The following VPS41 variants were observed in gnomAD, a reference collection of about 807,000 sequenced individuals.
VPS41 encodes VPS41 subunit of HOPS complex.
Under a neutral mutation model 130.9 loss-of-function variants are expected in VPS41, and 85 were observed. The ratio of observed to expected loss-of-function variants is 0.65; its 90% CI spans 0.55 to 0.78. The LOEUF (loss-of-function observed/expected upper bound fraction) is 0.78. Among genes scored for constraint, VPS41 ranks in the 30% least tolerant of loss-of-function variants. VPS41 has a pLI of 0.00. For synonymous variants in VPS41, 335 were observed against 332.9 expected, an observed-to-expected ratio of 1.01 and a Z score of -0.07; for missense variants, 874 against 1,018.7, an observed-to-expected ratio of 0.86 and a Z score of 1.93.
At chr7:38,852,951 T>G (rs190371583) in intron 4 of VPS41, among the ~76,000 whole-genome samples, 4 of 152,302 alleles carry the variant, frequency 2.6e-5, no homozygotes, top group Admixed American at 6.5e-5. Flanking sequence ...CCATTCTTTT[T>G]CCTTTGGTCC....
intron 2 of VPS41, among the ~76,000 whole-genome samples, chr7:38,874,725 A>G (rs1786450974): frequency 6.6e-6 from 1 of 152,164 alleles, no homozygotes; most frequent in African/African-American, 2.4e-5. Context: ...ACAGTAAAAA[A>G]CCAACTATTA....
chr7:38,807,394 C>A (rs76103266), intron 7 of VPS41, among the ~76,000 whole-genome samples: 1 of 152,072 alleles, frequency 6.6e-6, no homozygotes, highest in Non-Finnish European at 1.5e-5. Flanking sequence ...AAAAGGAAAA[C>A]AAACAAACCA....
chr7:38,849,234 G>A (rs912632513), intron 4 of VPS41, among the ~76,000 whole-genome samples: 1 of 152,142 alleles, frequency 6.6e-6, no homozygotes, highest in Admixed American at 6.5e-5. Flanking sequence ...GCAGATGGGT[G>A]GGCTGTGGTG....
intron 25 of VPS41, among the ~76,000 whole-genome samples, chr7:38,734,250 T>A (rs558898586): frequency 6.6e-6 from 1 of 152,338 alleles, no homozygotes; most frequent in African/African-American, 2.4e-5. Context: ...TTTCCTATAT[T>A]TTTCCAAGAT....
At chr7:38,776,462 CTT>C (rs951726550) in intron 11 of VPS41, among the ~76,000 whole-genome samples, 1 of 152,052 alleles carries the variant, frequency 6.6e-6, no homozygotes, top group African/African-American at 2.4e-5. Context: ...AAAAAAGACT[CTT>C]TTTTGGCTCA....
chr7:38,832,243 A>G (rs150070601), intron 4 of VPS41, among the ~76,000 whole-genome samples: 3 of 146,156 alleles, frequency 2.1e-5, no homozygotes, highest in East Asian at 4.1e-4. Flanking sequence ...ACAGTCTCCT[A>G]TTTTTTTGCA....
chr7:38,901,894 T>A (rs1787153675), intron 1 of VPS41, among the ~76,000 whole-genome samples: 1 of 152,170 alleles, frequency 6.6e-6, no homozygotes, highest in Non-Finnish European at 1.5e-5. Flanking sequence ...TCAACTTTTT[T>A]AATGGTTAAA....
chr7:38,806,683 T>C (rs1001450238), intron 7 of VPS41, among the ~76,000 whole-genome samples: 1 of 152,202 alleles, frequency 6.6e-6, no homozygotes, highest in Admixed American at 6.5e-5. Flanking sequence ...CAGCCTTCCA[T>C]GAATACATCT....
intron 3 of VPS41, among the ~76,000 whole-genome samples, chr7:38,866,495 G>A (rs758562827): frequency 9.2e-5 from 14 of 152,154 alleles, no homozygotes; most frequent in Non-Finnish European, 2.1e-4. Context: ...TGGCTTAGGT[G>A]ACAAAGGAGG....
chr7:38,869,145 C>T lies in VPS41; in HGVS notation c.168+1G>A, dbSNP rs1441864265. The T allele has an allele frequency of 1.3e-6, 2 of 1,559,612 alleles. No individual in the cohort carries two copies. The highest frequency in any genetic ancestry group is 4.6e-5 in the East Asian group (2 of 43,576). On this transcript the variant is annotated splice_donor_variant, in intron 3 of 28. Transcript: ENST00000310301. LOFTEE classifies it high-confidence loss of function. Reference sequence around the variant, plus strand: ...AGAATCCTCTGAAAGTGCTATCTTACCTTGTCATGGACTGTCATGCAGCTA... The same window carrying T: ...AGAATCCTCTGAAAGTGCTATCTTATCTTGTCATGGACTGTCATGCAGCTA...
chr7:38,795,329 A>C (rs1028501200), intron 9 of VPS41, 136 bp downstream of exon 9: 2 of 589,138 alleles, frequency 3.4e-6, no homozygotes, highest in African/African-American at 3.8e-5. Context: ...TTTGAGCATT[A>C]AATGGTAATC....
chr7:38,812,345 A>C (rs1261006738), intron 7 of VPS41, among the ~76,000 whole-genome samples: 2 of 152,172 alleles, frequency 1.3e-5, no homozygotes, highest in Non-Finnish European at 2.9e-5. Context: ...ATTCACATGC[A>C]AAAGAATAAA....
At chr7:38,837,658 G>T (rs551608582) in intron 4 of VPS41, among the ~76,000 whole-genome samples, 1 of 152,250 alleles carries the variant, frequency 6.6e-6, no homozygotes, top group Admixed American at 6.5e-5. Context: ...AGAAGTCTTG[G>T]GTAGATTTGG....
At chr7:38,794,435 T>C (rs1280927186) in intron 9 of VPS41, among the ~76,000 whole-genome samples, 1 of 152,220 alleles carries the variant, frequency 6.6e-6, no homozygotes, top group Non-Finnish European at 1.5e-5. Flanking sequence ...TTTTCCACTT[T>C]CCCTTTCCAG....
chr7:38,798,371 C>A lies in VPS41; in HGVS notation c.451-1507G>T, dbSNP rs1249036973. 3.3e-5 allele frequency among the ~76,000 whole-genome samples: 5 copies of A among 152,196 alleles called. No homozygotes were observed. The East Asian group carries it at 9.6e-4, about 29-fold the overall frequency. ...GCAGTGGCACCATCTCAGCTCACTG[C>A]AACCTCCACCTCCTGGGTTCTAGTG... On this transcript the variant is annotated intron_variant, in intron 7 of 28. Coordinates refer to ENST00000310301, the MANE Select transcript of VPS41 (RefSeq NM_014396.4).
intron 2 of VPS41, among the ~76,000 whole-genome samples, chr7:38,891,551 G>A (rs1413181422): frequency 6.6e-6 from 1 of 151,994 alleles, no homozygotes; most frequent in Non-Finnish European, 1.5e-5. Flanking sequence ...TTACATACAT[G>A]GCAGATACAC....
At chr7:38,870,789 A>C (rs1239200742) in intron 2 of VPS41, among the ~76,000 whole-genome samples, 1 of 148,298 alleles carries the variant, frequency 6.7e-6, no homozygotes, top group Non-Finnish European at 1.5e-5. Flanking sequence ...AAGCTGATGA[A>C]AAGATAGAAA....
At chr7:38,780,382 C>T (rs1275666978) in intron 10 of VPS41, among the ~76,000 whole-genome samples, 4 of 151,624 alleles carry the variant, frequency 2.6e-5, no homozygotes, top group Admixed American at 2.0e-4. Context: ...GCACAGCCTT[C>T]CTCCTCCTGA....
Position 38,726,108 on chromosome 7 carries a change from T to C in VPS41, c.*138A>G, listed in dbSNP as rs932137804. 1.2e-5 allele frequency: 8 copies of C among 641,858 alleles called. No homozygotes were observed. The highest frequency in any genetic ancestry group is 5.3e-5 in the Admixed American group (2 of 38,084). 39.8% of individuals were successfully genotyped at this position (641,858 alleles called of 1,614,324 possible). On this transcript the variant is annotated 3_prime_UTR_variant, in exon 29 of 29. Coordinates refer to ENST00000310301, the MANE Select transcript of VPS41 (RefSeq NM_014396.4). ...CAAAGAGAAACCATTAGTACAGGAA[T>C]AGATGAAGAAATTGTTTTTGAGTAT...
Sources: gnomAD v4.1 joint callset for allele counts (sites outside exome capture counted in the v4.1 genomes callset) on GRCh38, gnomAD v4.1.1 for gene constraint, MANE v1.5 for transcripts, NCBI Gene and HGNC (gene_info 2026-07-23, HGNC 2026-07-21) for gene names.